Variants in ATP8A2 observed in about 807,000 individuals in gnomAD.
ATP8A2 encodes the protein phospholipid-transporting ATPase IB.
ATP8A2 carries 100 observed loss-of-function variants against 165.6 expected under a neutral mutation model. That is an observed-to-expected ratio of 0.60 (90% CI 0.51 to 0.71). The LOEUF is 0.71. Among genes scored for constraint, ATP8A2 ranks in the 30% least tolerant of loss-of-function variants. The probability of loss-of-function intolerance (pLI) is 0.00; values close to 1 mark genes in which losing one functional copy is unlikely to be tolerated. For synonymous variants in ATP8A2, 543 were observed against 548.8 expected (o/e 0.99, Z 0.15); for missense variants, 1,227 against 1,479.5 (o/e 0.83, Z 2.80).
At chr13:25,668,757 T>C (rs2042206310) in intron 24 of ATP8A2, among the ~76,000 whole-genome samples, 1 of 152,174 alleles carries the variant, frequency 6.6e-6, no homozygotes. Context: ...TAACAGTATA[T>C]AAAATATGCA....
intron 24 of ATP8A2, among the ~76,000 whole-genome samples, chr13:25,626,084 G>C (rs1345779635): frequency 6.6e-6 from 1 of 152,178 alleles, no homozygotes; most frequent in Non-Finnish European, 1.5e-5. Context: ...CTGAACACAA[G>C]TGGTTTATTC....
intron 25 of ATP8A2, among the ~76,000 whole-genome samples, chr13:25,729,821 G>A (rs9511899): frequency 0.15 from 23,280 of 152,114 alleles, 1,937 homozygotes; most frequent in Non-Finnish European, 0.16. Context: ...AACATTGTTC[G>A]GGATGCTAAG....
chr13:25,406,808 C>T (rs1483454777), intron 1 of ATP8A2, among the ~76,000 whole-genome samples: 4 of 152,226 alleles, frequency 2.6e-5, no homozygotes, highest in Non-Finnish European at 4.4e-5. Flanking sequence ...TCTTCCAGGT[C>T]AGATACTTAT....
intron 33 of ATP8A2, among the ~76,000 whole-genome samples, chr13:25,940,307 A>G (rs958187845): frequency 3.9e-5 from 6 of 151,910 alleles, no homozygotes; most frequent in African/African-American, 1.5e-4. Context: ...GATGCCTCCC[A>G]TCTCCGAGTT....
At chr13:25,703,774 C>A (rs117766918) in intron 25 of ATP8A2, among the ~76,000 whole-genome samples, 4 of 152,100 alleles carry the variant, frequency 2.6e-5, no homozygotes, top group Non-Finnish European at 5.9e-5. Context: ...TGGTTGCCAG[C>A]GGTTGGGAGG....
At chr13:25,902,578 A>C (rs2182372) in intron 33 of ATP8A2, among the ~76,000 whole-genome samples, 2 of 151,734 alleles carry the variant, frequency 1.3e-5, no homozygotes, top group Non-Finnish European at 2.9e-5. Flanking sequence ...TTTAAAAAAA[A>C]AAAAACAAAA....
chr13:25,637,935 C>A (rs1333417520), intron 24 of ATP8A2, among the ~76,000 whole-genome samples: 1 of 152,210 alleles, frequency 6.6e-6, no homozygotes, highest in Non-Finnish European at 1.5e-5. Context: ...CAGACAGCAA[C>A]ATTTGCTGTT....
intron 24 of ATP8A2, among the ~76,000 whole-genome samples, chr13:25,692,429 A>G (rs2137873058): frequency 6.6e-6 from 1 of 152,342 alleles, no homozygotes; most frequent in Non-Finnish European, 1.5e-5. Flanking sequence ...TGACGGAGGA[A>G]GAGGGCTCCT....
chr13:25,825,865 A>G (rs1032077800), intron 27 of ATP8A2, among the ~76,000 whole-genome samples: 1 of 152,096 alleles, frequency 6.6e-6, no homozygotes, highest in African/African-American at 2.4e-5. Flanking sequence ...GAGAATAGCC[A>G]GACCTCTTGG....
intron 24 of ATP8A2, among the ~76,000 whole-genome samples, chr13:25,590,912 C>A (rs1243486482): frequency 6.6e-6 from 1 of 152,024 alleles, no homozygotes; most frequent in Admixed American, 6.6e-5. Context: ...GGCAAGAGAC[C>A]ACCCTCTGGC....
intron 13 of ATP8A2, among the ~76,000 whole-genome samples, chr13:25,557,579 A>T (rs1442869862): frequency 1.3e-5 from 2 of 152,194 alleles, no homozygotes; most frequent in African/African-American, 4.8e-5. Flanking sequence ...AATAAGGGGT[A>T]TGAGTGATGT....
intron 24 of ATP8A2, among the ~76,000 whole-genome samples, chr13:25,691,183 C>T (rs2042716562): frequency 6.6e-6 from 1 of 152,098 alleles, no homozygotes; most frequent in African/African-American, 2.4e-5. Context: ...TCAGCAGGGC[C>T]TGGAGTGAGG....
chr13:25,480,472 C>T (rs1311761939), intron 2 of ATP8A2, among the ~76,000 whole-genome samples: 5 of 145,124 alleles, frequency 3.4e-5, no homozygotes, highest in Admixed American at 1.4e-4. Context: ...CCTCACCTCC[C>T]AGACGGGGTC....
chr13:25,947,048 A>G (rs1430276935), intron 33 of ATP8A2, among the ~76,000 whole-genome samples: 1 of 152,084 alleles, frequency 6.6e-6, no homozygotes, highest in African/African-American at 2.4e-5. Flanking sequence ...GCCCCCGGCC[A>G]TGTTATTGGT....
rs961991980 is a variant in ATP8A2, at chr13:26,021,975, G to A, written c.*1990G>A. The A allele has an allele frequency of 1.8e-4, 27 of 152,178 alleles. No homozygotes were observed. The highest frequency in any genetic ancestry group is 6.5e-4 in the African/African-American group (27 of 41,418). The allele number at this position is 152,178 out of a possible 1,614,324, so 9.4% of individuals were successfully genotyped here. On this transcript the variant is annotated 3_prime_UTR_variant, in exon 37 of 37. Coordinates refer to ENST00000381655, the MANE Select transcript of ATP8A2 (RefSeq NM_016529.6). ...GAAAACTCATCCTCACTTATGAGGT[G>A]ACCAGGATGCAGAGAGGGCCTGAGG...
At chr13:25,603,500 A>C (rs2040441420) in intron 24 of ATP8A2, among the ~76,000 whole-genome samples, 1 of 150,536 alleles carries the variant, frequency 6.6e-6, no homozygotes, top group African/African-American at 2.4e-5. Context: ...TTTTAAAAAG[A>C]GTATCTGGCT....
At chr13:25,775,728 A>G (rs9581444) in intron 27 of ATP8A2, among the ~76,000 whole-genome samples, 3,810 of 152,232 alleles carry the variant, frequency 0.025, 136 homozygotes, top group African/African-American at 0.085. Flanking sequence ...ATGTTTGTCT[A>G]TGGAGGAAGG....
chr13:25,789,606 A>G (rs1015598498), intron 27 of ATP8A2, among the ~76,000 whole-genome samples: 7 of 152,270 alleles, frequency 4.6e-5, no homozygotes, highest in African/African-American at 1.7e-4. Context: ...ATGGAAAAAC[A>G]TTCCATGTTC....
At chr13:25,978,504 G>T (rs991408799) in intron 35 of ATP8A2, among the ~76,000 whole-genome samples, 5 of 152,172 alleles carry the variant, frequency 3.3e-5, no homozygotes, top group Non-Finnish European at 5.9e-5. Flanking sequence ...TTCTCAATGA[G>T]CCTCTCCCTA....
Sources: allele counts gnomAD v4.1 joint callset (sites outside exome capture counted in the v4.1 genomes callset), GRCh38; gene constraint gnomAD v4.1.1; transcripts MANE v1.5; gene names NCBI Gene and HGNC (gene_info 2026-07-23, HGNC 2026-07-21).